The following PARD3 variants were observed in gnomAD, a reference collection of about 807,000 sequenced individuals.
PARD3 encodes the protein partitioning defective 3 homolog.
In PARD3, 75 loss-of-function variants were observed where a neutral mutation model predicts 155.4. The ratio of observed to expected loss-of-function variants is 0.48; its 90% CI spans 0.40 to 0.58. The LOEUF (loss-of-function observed/expected upper bound fraction) is 0.58. Ranked by LOEUF, PARD3 falls within the 20% of genes least tolerant of loss-of-function variation. PARD3 has a pLI of 0.00. For missense variants in PARD3, 1,642 were observed against 1,721.7 expected, an observed-to-expected ratio of 0.95 and a Z score of 0.82; for synonymous variants, 576 against 610.5, an observed-to-expected ratio of 0.94 and a Z score of 0.83.
At chr10:34,394,173 C>A (rs1843108322) in intron 7 of PARD3, among the ~76,000 whole-genome samples, 1 of 151,816 alleles carries the variant, frequency 6.6e-6, no homozygotes, top group Admixed American at 6.6e-5. Context: ...CTACAGGTAC[C>A]CATCACCACA....
At chr10:34,462,591 T>C (rs1236837795) in intron 4 of PARD3, among the ~76,000 whole-genome samples, 3 of 151,934 alleles carry the variant, frequency 2.0e-5, no homozygotes, top group Non-Finnish European at 2.9e-5. Flanking sequence ...AGGCCTGTAA[T>C]CCAAACACAT....
intron 22 of PARD3, among the ~76,000 whole-genome samples, chr10:34,157,551 A>G (rs975544995): frequency 2.0e-5 from 3 of 152,356 alleles, no homozygotes; most frequent in Admixed American, 6.5e-5. Flanking sequence ...AACACAGATT[A>G]TCATGAGTCC....
chr10:34,381,533 C>A (rs1313541909), intron 9 of PARD3, among the ~76,000 whole-genome samples: 1 of 152,068 alleles, frequency 6.6e-6, no homozygotes, highest in Admixed American at 6.5e-5. Context: ...AACATGCTCT[C>A]TATACAGAGA....
chr10:34,542,199 T>TGGGG (rs202212097), intron 2 of PARD3, among the ~76,000 whole-genome samples: 1 of 95,044 alleles, frequency 1.1e-5, no homozygotes, highest in African/African-American at 4.1e-5. Flanking sequence ...TAAGGTTGTT[T>TGGGG]GGGGTGTGTG....
At chr10:34,201,809 C>T (rs10827336) in intron 22 of PARD3, among the ~76,000 whole-genome samples, 22,607 of 152,156 alleles carry the variant, frequency 0.15, 2,178 homozygotes, top group Middle Eastern at 0.29. Context: ...AGGGAAGAAA[C>T]GTCGTTCTGT....
intron 1 of PARD3, among the ~76,000 whole-genome samples, chr10:34,747,676 T>C (rs977675368): frequency 2.4e-4 from 37 of 152,210 alleles, no homozygotes; most frequent in African/African-American, 8.9e-4. Flanking sequence ...ATGCCCACCA[T>C]GCCAGGTTCC....
At chr10:34,256,335 T>C (rs1002040081) in intron 22 of PARD3, among the ~76,000 whole-genome samples, 21 of 152,338 alleles carry the variant, frequency 1.4e-4, no homozygotes, top group African/African-American at 5.0e-4. Flanking sequence ...CTGAGCTCCA[T>C]GGGCTTCTGC....
chr10:34,532,042 T>C (rs1396525896), intron 2 of PARD3, among the ~76,000 whole-genome samples: 1 of 152,188 alleles, frequency 6.6e-6, no homozygotes, highest in Admixed American at 6.6e-5. Flanking sequence ...GTGCTACAGT[T>C]AATTTTATGC....
At chr10:34,570,689 AAAAT>A (rs1433890277) in intron 2 of PARD3, among the ~76,000 whole-genome samples, 1 of 152,196 alleles carries the variant, frequency 6.6e-6, no homozygotes, top group Non-Finnish European at 1.5e-5. Flanking sequence ...CAGAAACCGA[AAAAT>A]AAAATTTTAG....
At chr10:34,733,677 T>C (rs1428469524) in intron 1 of PARD3, among the ~76,000 whole-genome samples, 1 of 152,018 alleles carries the variant, frequency 6.6e-6, no homozygotes, top group African/African-American at 2.4e-5. Flanking sequence ...AGAGACGGGG[T>C]TTGAGATCTG....
intron 7 of PARD3, among the ~76,000 whole-genome samples, chr10:34,396,688 T>C (rs1173160025): frequency 1.3e-5 from 2 of 152,196 alleles, no homozygotes; most frequent in East Asian, 3.9e-4. Context: ...CAAGAATGAC[T>C]GGAGTTTTAT....
chr10:34,461,199 T>C (rs1023012405), intron 4 of PARD3, among the ~76,000 whole-genome samples: 2 of 152,228 alleles, frequency 1.3e-5, no homozygotes. Flanking sequence ...CAGCAATCCA[T>C]CTGATACTCT....
At chr10:34,416,349 G>C (rs1190677117) in intron 5 of PARD3, among the ~76,000 whole-genome samples, 1 of 152,136 alleles carries the variant, frequency 6.6e-6, no homozygotes, top group East Asian at 1.9e-4. Context: ...GTCCAGGAGA[G>C]TGGCTCATTT....
intron 1 of PARD3, among the ~76,000 whole-genome samples, chr10:34,735,968 A>G (rs1482095533): frequency 1.3e-5 from 2 of 151,964 alleles, no homozygotes; most frequent in Non-Finnish European, 2.9e-5. Flanking sequence ...CAAGTCATCA[A>G]TCCTTCTGCC....
At chr10:34,659,303 C>T (rs1186103493) in intron 2 of PARD3, among the ~76,000 whole-genome samples, 5 of 152,074 alleles carry the variant, frequency 3.3e-5, no homozygotes, top group Non-Finnish European at 7.4e-5. Flanking sequence ...ATGTTAATTA[C>T]AAAAACTTTT....
At chr10:34,766,617 C>CAAA (rs34958448) in intron 1 of PARD3, among the ~76,000 whole-genome samples, 1,300 of 81,752 alleles carry the variant, frequency 0.016, 43 homozygotes, top group African/African-American at 0.055. Flanking sequence ...ACTTAATTGA[C>CAAA]AAAAAAAAAA....
chr10:34,141,944 A>T (rs1003886192), intron 22 of PARD3, among the ~76,000 whole-genome samples: 1 of 152,206 alleles, frequency 6.6e-6, no homozygotes. Context: ...CTCAGCACTA[A>T]AGTAACACTG....
Position 34,683,842 on chromosome 10 carries a change from C to T in PARD3, c.222+12476G>A, listed in dbSNP as rs185089279. On this transcript the variant is annotated intron_variant, in intron 2 of 24. Transcript: ENST00000374788. ...CTGCTCTACCTGTACCATATCTGGG[C>T]CCTGTGCTCCCACAAATTGATGAAC... Among the ~76,000 whole-genome samples, 4 of 152,258 alleles carry T rather than the reference C, an allele frequency of 2.6e-5. No individual in the cohort carries two copies. The East Asian group carries it at 7.7e-4, about 29-fold the overall frequency.
chr10:34,584,390 T>G (rs1377945994), intron 2 of PARD3, among the ~76,000 whole-genome samples: 2 of 152,174 alleles, frequency 1.3e-5, no homozygotes, highest in Admixed American at 1.3e-4. Flanking sequence ...TGGCCATGGA[T>G]TCTCTGTAAG....
Sources: allele counts gnomAD v4.1 joint callset (sites outside exome capture counted in the v4.1 genomes callset), GRCh38; gene constraint gnomAD v4.1.1; transcripts MANE v1.5; gene names NCBI Gene and HGNC (gene_info 2026-07-23, HGNC 2026-07-21).